Variants in GALNT14 observed in about 807,000 individuals in gnomAD.
The protein encoded by GALNT14 is UDP-GalNAc:polypeptide N-acetylgalactosaminyltransferase 14.
A neutral mutation model predicts 77.5 loss-of-function variants in GALNT14; 60 were observed. The ratio of observed to expected loss-of-function variants is 0.77; its 90% CI spans 0.63 to 0.96. GALNT14 has a LOEUF of 0.96. GALNT14 is among the 40% of genes least tolerant of loss of function. The probability of loss-of-function intolerance (pLI) is 0.00; values close to 1 mark genes in which losing one functional copy is unlikely to be tolerated. For missense variants in GALNT14, 710 were observed against 731.0 expected, an observed-to-expected ratio of 0.97 and a Z score of 0.33; for synonymous variants, 280 against 281.7, an observed-to-expected ratio of 0.99 and a Z score of 0.06.
intron 1 of GALNT14, among the ~76,000 whole-genome samples, chr2:31,047,920 A>G (rs1573238684): frequency 6.6e-6 from 1 of 152,106 alleles, no homozygotes; most frequent in African/African-American, 2.4e-5. Context: ...AAGCTGGCCC[A>G]CCTTCCTTCA....
chr2:30,942,376 T>A, intron 8 of GALNT14, 72 bp from the exon 9 acceptor site: 1 of 1,177,556 alleles, frequency 8.5e-7, no homozygotes, highest in South Asian at 1.3e-5. Flanking sequence ...TTCGGCCCCT[T>A]GAGTCTGAAA....
chr2:30,966,381 G>C, intron 2 of GALNT14, 79 bp from the exon 3 acceptor site: 1 of 1,024,548 alleles, frequency 9.8e-7, no homozygotes, highest in Non-Finnish European at 1.5e-6. Context: ...AGGGCATCTG[G>C]GTGGGCATCC....
At chr2:31,025,378 C>T (rs923692379) in intron 1 of GALNT14, among the ~76,000 whole-genome samples, 1 of 152,146 alleles carries the variant, frequency 6.6e-6, no homozygotes, top group Non-Finnish European at 1.5e-5. Flanking sequence ...CCACCCATCA[C>T]CAACACTCCA....
At chr2:30,943,979 A>G (rs543264038) in intron 8 of GALNT14, among the ~76,000 whole-genome samples, 1 of 152,280 alleles carries the variant, frequency 6.6e-6, no homozygotes, top group East Asian at 1.9e-4. Context: ...AATACTTACT[A>G]TGTGGCAACA....
At chr2:31,049,744 A>C (rs944074840) in intron 1 of GALNT14, among the ~76,000 whole-genome samples, 3 of 152,162 alleles carry the variant, frequency 2.0e-5, no homozygotes, top group African/African-American at 7.2e-5. Flanking sequence ...TATGAAATCC[A>C]TTCCCCCTTC....
intron 13 of GALNT14, among the ~76,000 whole-genome samples, chr2:30,922,573 C>T (rs1325182048): frequency 6.6e-6 from 1 of 152,214 alleles, no homozygotes; most frequent in Non-Finnish European, 1.5e-5. Flanking sequence ...CCTGGGCCAC[C>T]CTTTCTTCCC....
At chr2:31,056,085 C>G (rs1206404761) in intron 1 of GALNT14, among the ~76,000 whole-genome samples, 1 of 152,198 alleles carries the variant, frequency 6.6e-6, no homozygotes, top group East Asian at 1.9e-4. Context: ...CCGTGTGCCC[C>G]AAATCACCCA....
chr2:31,129,932 A>G (rs1464866765), intron 1 of GALNT14, among the ~76,000 whole-genome samples: 1 of 152,170 alleles, frequency 6.6e-6, no homozygotes, highest in African/African-American at 2.4e-5. Flanking sequence ...CTCCTTGCCT[A>G]GCATGCATGC....
intron 6 of GALNT14, among the ~76,000 whole-genome samples, chr2:30,946,287 T>G (rs1384581358): frequency 6.6e-6 from 1 of 152,150 alleles, no homozygotes; most frequent in African/African-American, 2.4e-5. Flanking sequence ...CAATCAAATC[T>G]CATGTCAAAT....
chr2:31,045,532 G>A (rs112111154), intron 1 of GALNT14, among the ~76,000 whole-genome samples: 2,703 of 151,988 alleles, frequency 0.018, 79 homozygotes, highest in African/African-American at 0.056. Context: ...GCGCAACCTC[G>A]GCTCACTGCA....
intron 2 of GALNT14, among the ~76,000 whole-genome samples, chr2:30,975,262 C>T (rs1369875598): frequency 6.6e-6 from 1 of 152,116 alleles, no homozygotes; most frequent in Non-Finnish European, 1.5e-5. Context: ...ACCAAAGTTC[C>T]AAGAATGATG....
chr2:30,913,974 A>G (rs1453784337), intron 13 of GALNT14, among the ~76,000 whole-genome samples: 1 of 152,182 alleles, frequency 6.6e-6, no homozygotes, highest in Non-Finnish European at 1.5e-5. Flanking sequence ...TGACCATCAC[A>G]TTCTACACAT....
At chr2:30,911,080 G>T in intron 14 of GALNT14, 21 bp from the exon 15 acceptor site, 1 of 1,611,192 alleles carries the variant, frequency 6.2e-7, no homozygotes, top group Non-Finnish European at 8.5e-7. Flanking sequence ...AAAGAAGAGA[G>T]TGAATGAACT....
Position 30,911,053 on chromosome 2 carries a change from T to G in GALNT14, c.1507A>C (p.Thr503Pro). The change falls in exon 15 of 15, where the codon ACC (threonine) becomes CCC (proline). Residue 503 changes from threonine to proline, a missense_variant. Transcript: ENST00000349752. ...CKNGDDRQQWTKTGSHIEHIA... is the reference protein window; with the variant it reads ...CKNGDDRQQWPKTGSHIEHIA... Reference sequence around the variant, plus strand: ...TGCTCGATGTGGGAACCAGTTTTGGTCCATTGCTGGTAAGACAAAGAAGAG... The same window carrying G: ...TGCTCGATGTGGGAACCAGTTTTGGGCCATTGCTGGTAAGACAAAGAAGAG... 1 of 1,613,726 alleles carries G rather than the reference T, an allele frequency of 6.2e-7. No individual in the cohort carries two copies. The highest frequency in any genetic ancestry group is 8.5e-7 in the Non-Finnish European group (1 of 1,179,886).
At chr2:30,979,333 A>G (rs558291957) in intron 2 of GALNT14, among the ~76,000 whole-genome samples, 1 of 152,170 alleles carries the variant, frequency 6.6e-6, no homozygotes, top group Non-Finnish European at 1.5e-5. Context: ...GGCTTGGGTG[A>G]AAGTCTGAAG....
chr2:31,069,491 A>T (rs959733757), intron 1 of GALNT14, among the ~76,000 whole-genome samples: 5 of 152,222 alleles, frequency 3.3e-5, no homozygotes, highest in Admixed American at 3.3e-4. Flanking sequence ...CATTTTACAA[A>T]TGAAGAAATG....
chr2:30,920,840 A>G (rs1309407561), intron 13 of GALNT14, among the ~76,000 whole-genome samples: 5 of 152,126 alleles, frequency 3.3e-5, no homozygotes, highest in African/African-American at 7.2e-5. Flanking sequence ...TCCCAGCAGG[A>G]ATGGTCCCTG....
At chr2:31,091,968 T>C (rs1262278756) in intron 1 of GALNT14, among the ~76,000 whole-genome samples, 1 of 152,096 alleles carries the variant, frequency 6.6e-6, no homozygotes, top group African/African-American at 2.4e-5. Flanking sequence ...CAGAAGAAGG[T>C]GGAAGGAGCC....
chr2:30,944,720 G>A (rs892014196), intron 8 of GALNT14, 138 bp downstream of exon 8: 1 of 621,422 alleles, frequency 1.6e-6, no homozygotes, highest in Non-Finnish European at 2.6e-6. Context: ...TAAAATAAAG[G>A]CAAAAGTGGA....
Sources: allele counts gnomAD v4.1 joint callset (sites outside exome capture counted in the v4.1 genomes callset), GRCh38; gene constraint gnomAD v4.1.1; transcripts MANE v1.5; gene names NCBI Gene and HGNC (gene_info 2026-07-23, HGNC 2026-07-21).